LINC00632: variants seen among roughly 807,000 people sequenced by gnomAD.
The protein encoded by LINC00632 is ALDOA related specific transcript.
At chrX:140,724,514 TAC>T (rs372250063) in intron 2 of LINC00632, among the ~76,000 whole-genome samples, 5 of 68,448 alleles carry the variant, frequency 7.3e-5, no homozygotes, top group Non-Finnish European at 6.3e-5. Context: ...ACACATTCCA[TAC>T]ACACACATTC....
rs1281626056 is a variant in LINC00632, at chrX:140,759,355, TTCTTTC to T, written n.192-12721_192-12716del. ...TTCCTTCCTTCCTTCCTTTCTTTCT[TTCTTTC>T]TTTCTTTTTAAAAGAGATGGACTCT... is the stretch of plus-strand genomic sequence containing the variant. On this transcript the variant is annotated intron_variant and non_coding_transcript_variant, in intron 3 of 4. Transcript: ENST00000648200. 3.0e-5 allele frequency among the ~76,000 whole-genome samples: 3 copies of T among 100,045 alleles called. No individual in the cohort carries two copies. In the East Asian group the frequency reaches 9.4e-4, roughly 31 times the overall value. 86.9% of individuals were successfully genotyped at this position (100,045 alleles called of 115,157 possible).
At chrX:140,741,862 G>A (rs1234270817) in intron 3 of LINC00632, among the ~76,000 whole-genome samples, 1 of 112,243 alleles carries the variant, frequency 8.9e-6, no homozygotes, top group Non-Finnish European at 1.9e-5. Context: ...AATGGACAGA[G>A]GTGAAAGTAG....
intron 3 of LINC00632, among the ~76,000 whole-genome samples, chrX:140,741,737 C>G (rs777901495): frequency 2.7e-5 from 3 of 111,822 alleles, no homozygotes; most frequent in African/African-American, 9.8e-5. Context: ...TAATAGAGAC[C>G]TTGGGGAAGT....
At chrX:140,757,628 G>A (rs1323994438) in intron 3 of LINC00632, among the ~76,000 whole-genome samples, 4 of 111,293 alleles carry the variant, frequency 3.6e-5, no homozygotes, top group Non-Finnish European at 7.5e-5. Flanking sequence ...GTGCAGAGGC[G>A]CAATCTCGGC....
chrX:140,776,591 C>T (rs767246663), exon 5 of LINC00632, among the ~76,000 whole-genome samples: 3 of 112,598 alleles, frequency 2.7e-5, no homozygotes, highest in East Asian at 5.7e-4. Context: ...TGTCCGCATC[C>T]GCCGCGCGTT....
chrX:140,760,582 C>T (rs745709721), intron 3 of LINC00632, among the ~76,000 whole-genome samples: 3 of 111,588 alleles, frequency 2.7e-5, no homozygotes, highest in Non-Finnish European at 5.6e-5. Context: ...ACTAGCCTTA[C>T]CAACATGGAG....
At chrX:140,736,148 T>C (rs1466216989) in intron 3 of LINC00632, among the ~76,000 whole-genome samples, 15 of 111,349 alleles carry the variant, frequency 1.3e-4, no homozygotes, top group Non-Finnish European at 9.4e-5. Context: ...AATATGAGGC[T>C]TTTATCCACT....
intron 3 of LINC00632, chrX:140,734,106 C>T (rs1931104751): frequency 8.9e-6 from 1 of 112,108 alleles, no homozygotes. Context: ...TTTAAAAAGT[C>T]ATAAAATAAA....
chrX:140,783,807 G>A, exon 5 of LINC00632: 1 of 1,210,249 alleles, frequency 8.3e-7, no homozygotes, highest in Non-Finnish European at 1.1e-6. Flanking sequence ...GAAAATCCAT[G>A]TCTTCCAGAA....
intron 2 of LINC00632, among the ~76,000 whole-genome samples, chrX:140,725,418 CCACA>C (rs1299864968): frequency 3.1e-5 from 3 of 97,687 alleles, no homozygotes; most frequent in Non-Finnish European, 6.4e-5. Flanking sequence ...CAGACACATT[CCACA>C]CACACACACA....
At position 140,784,782 on chromosome X, in the gene LINC00632, A is replaced by T. The variant is rs1012222582; in HGVS notation, n.12801A>T. ...AAATCACTCTACAGAAAAATCTTCC[A>T]ACTCAACTATTTCTGCTTCTAGTTG... On this transcript the variant is annotated non_coding_transcript_exon_variant, in exon 5 of 5. Transcript: ENST00000648200. 2.5e-5 allele frequency: 4 copies of T among 161,385 alleles called. No individual in the cohort carries two copies. In the East Asian group the frequency reaches 6.6e-4, roughly 27 times the overall value. The allele number at this position is 161,385 out of a possible 1,213,427, so 13.3% of individuals were successfully genotyped here.
chrX:140,750,872 T>C (rs112721427), intron 3 of LINC00632, among the ~76,000 whole-genome samples: 26,340 of 110,672 alleles, frequency 0.24, 3,026 homozygotes, highest in Non-Finnish European at 0.35. Context: ...GAATGTACAA[T>C]ATTTGGTTTT....
intron 2 of LINC00632, among the ~76,000 whole-genome samples, chrX:140,714,994 C>T (rs1930599095): frequency 9.0e-6 from 1 of 111,120 alleles, no homozygotes; most frequent in Non-Finnish European, 1.9e-5. Context: ...ACTCAAACTC[C>T]TCAGACACAC....
At chrX:140,718,498 C>T (rs772432625) in intron 2 of LINC00632, among the ~76,000 whole-genome samples, 3 of 107,369 alleles carry the variant, frequency 2.8e-5, no homozygotes, top group Admixed American at 2.0e-4. Context: ...TTGCAACCTC[C>T]GCATCCTGGG....
At chrX:140,789,044 CCTAT>C (rs762934506) in exon 5 of LINC00632, among the ~76,000 whole-genome samples, 16 of 107,896 alleles carry the variant, frequency 1.5e-4, no homozygotes, top group Admixed American at 5.1e-4. Flanking sequence ...TTCTCCTAAT[CCTAT>C]CTATCTCCCA....
chrX:140,737,266 TA>T (rs1931159897), intron 3 of LINC00632, among the ~76,000 whole-genome samples: 1 of 111,740 alleles, frequency 8.9e-6, no homozygotes, highest in Non-Finnish European at 1.9e-5. Context: ...CTAACAAGTT[TA>T]ATACAATGAT....
chrX:140,766,262 G>A (rs1931691229), intron 3 of LINC00632, among the ~76,000 whole-genome samples: 1 of 111,766 alleles, frequency 8.9e-6, no homozygotes, highest in African/African-American at 3.2e-5. Context: ...TTTTGGTGGT[G>A]AATTTTCAGA....
chrX:140,773,948 A>G lies in LINC00632; in HGVS notation n.2062A>G, dbSNP rs192467637. On this transcript the variant is annotated non_coding_transcript_exon_variant, in exon 4 of 5. Transcript: ENST00000648200. ...GTGTAGAAGAATCAGTGAGACAAAT[A>G]AAACAATCAATACTTAATGAAGTCT... 2.8e-4 allele frequency among the ~76,000 whole-genome samples: 31 copies of G among 112,657 alleles called. 1 individual carries two copies. The highest frequency in any genetic ancestry group is 2.6e-3 in the Admixed American group (28 of 10,651).
At chrX:140,722,206 G>A (rs146376525) in intron 2 of LINC00632, among the ~76,000 whole-genome samples, 98 of 110,480 alleles carry the variant, frequency 8.9e-4, no homozygotes, top group African/African-American at 3.0e-3. Context: ...AGACTGGCCC[G>A]ATAAGATAGA....
Sources: allele counts gnomAD v4.1 joint callset (sites outside exome capture counted in the v4.1 genomes callset), GRCh38; gene constraint gnomAD v4.1.1; transcripts MANE v1.5; gene names NCBI Gene and HGNC (gene_info 2026-07-23, HGNC 2026-07-21).